MAPK10: variants seen among roughly 807,000 people sequenced by gnomAD.
MAPK10 encodes JNK3 alpha protein kinase.
Under a neutral mutation model 59.3 loss-of-function variants are expected in MAPK10, and 25 were observed. That is an observed-to-expected ratio of 0.42 (90% CI 0.31 to 0.59). The LOEUF (loss-of-function observed/expected upper bound fraction) is 0.59. MAPK10 is among the 20% of genes least tolerant of loss of function. The probability of loss-of-function intolerance (pLI) is 0.15; values close to 1 mark genes in which losing one functional copy is unlikely to be tolerated. For missense variants in MAPK10, 351 were observed against 568.9 expected, an observed-to-expected ratio of 0.62 and a Z score of 3.90; for synonymous variants, 190 against 200.5, an observed-to-expected ratio of 0.95 and a Z score of 0.44.
intron 1 of MAPK10, among the ~76,000 whole-genome samples, chr4:86,428,307 C>T (rs1010684110): frequency 6.6e-6 from 1 of 152,002 alleles, no homozygotes; most frequent in Non-Finnish European, 1.5e-5. Flanking sequence ...CCATGCCTGG[C>T]TAATTTTTGT....
chr4:86,424,101 G>A (rs1208470784), intron 1 of MAPK10, among the ~76,000 whole-genome samples: 1 of 152,008 alleles, frequency 6.6e-6, no homozygotes, highest in Non-Finnish European at 1.5e-5. Flanking sequence ...TATGTATGGT[G>A]ATGTTCTGAC....
chr4:86,337,451 A>G (rs967839416), intron 2 of MAPK10, among the ~76,000 whole-genome samples: 3 of 152,210 alleles, frequency 2.0e-5, no homozygotes, highest in Middle Eastern at 3.2e-3. Flanking sequence ...AAGAAAGTAT[A>G]TAGTAAGTCT....
chr4:86,275,110 A>C (rs1464673658), intron 2 of MAPK10, among the ~76,000 whole-genome samples: 1 of 152,116 alleles, frequency 6.6e-6, no homozygotes, highest in Non-Finnish European at 1.5e-5. Flanking sequence ...GACTTTGTGC[A>C]GTCATTAAAT....
At chr4:86,525,198 G>A (rs1246872774) in intron 1 of MAPK10, among the ~76,000 whole-genome samples, 2 of 152,148 alleles carry the variant, frequency 1.3e-5, no homozygotes, top group Non-Finnish European at 2.9e-5. Flanking sequence ...TTGGGAGGCT[G>A]AGGTGGGAGG....
At chr4:86,468,366 C>A (rs1383084194) in intron 1 of MAPK10, among the ~76,000 whole-genome samples, 1 of 152,154 alleles carries the variant, frequency 6.6e-6, no homozygotes, top group African/African-American at 2.4e-5. Flanking sequence ...CGCAATAATC[C>A]TTTCAAATAA....
intron 13 of MAPK10, among the ~76,000 whole-genome samples, chr4:86,026,093 T>C (rs1359802891): frequency 2.0e-5 from 3 of 152,196 alleles, no homozygotes; most frequent in Non-Finnish European, 2.9e-5. Context: ...AATGGTTGCA[T>C]ATTAAAATCA....
intron 1 of MAPK10, among the ~76,000 whole-genome samples, chr4:86,396,333 C>T (rs554024076): frequency 2.6e-5 from 4 of 152,184 alleles, no homozygotes; most frequent in East Asian, 3.9e-4. Flanking sequence ...GGCAAGAGTG[C>T]GAGACTCTGT....
intron 2 of MAPK10, among the ~76,000 whole-genome samples, chr4:86,268,961 G>A (rs758209813): frequency 9.9e-5 from 15 of 151,972 alleles, no homozygotes; most frequent in Non-Finnish European, 1.9e-4. Flanking sequence ...TTACATTCCT[G>A]GTGTCTAGAA....
intron 2 of MAPK10, among the ~76,000 whole-genome samples, chr4:86,241,870 G>C (rs185250097): frequency 6.6e-6 from 1 of 152,236 alleles, no homozygotes; most frequent in Non-Finnish European, 1.5e-5. Flanking sequence ...CTTCACCTTT[G>C]ATGGAGAGAT....
intron 4 of MAPK10, among the ~76,000 whole-genome samples, chr4:86,142,350 T>A (rs2063814972): frequency 6.6e-6 from 1 of 152,170 alleles, no homozygotes; most frequent in African/African-American, 2.4e-5. Flanking sequence ...AAAGAGAGAC[T>A]GCCAGAGAGA....
At chr4:86,507,341 A>T (rs1330453348) in intron 1 of MAPK10, among the ~76,000 whole-genome samples, 2 of 151,868 alleles carry the variant, frequency 1.3e-5, no homozygotes, top group Admixed American at 1.3e-4. Context: ...GGCTATATCA[A>T]GTGTCAGCAG....
At chr4:86,192,450 C>T (rs2080160267) in intron 3 of MAPK10, 1 of 152,056 alleles carries the variant, frequency 6.6e-6, no homozygotes, top group South Asian at 2.1e-4. Flanking sequence ...TCCTATATTT[C>T]TTGGAGGCTT....
chr4:86,187,570 G>A (rs368239724), intron 3 of MAPK10, among the ~76,000 whole-genome samples: 2 of 152,220 alleles, frequency 1.3e-5, no homozygotes, highest in South Asian at 4.1e-4. Flanking sequence ...GATAAGGGGG[G>A]ACTACTGTAA....
At chr4:86,580,991 C>T (rs1160805684) in intron 1 of MAPK10, among the ~76,000 whole-genome samples, 1 of 152,150 alleles carries the variant, frequency 6.6e-6, no homozygotes, top group African/African-American at 2.4e-5. Flanking sequence ...AGTGCAAAGC[C>T]TACCCTAATG....
intron 1 of MAPK10, among the ~76,000 whole-genome samples, chr4:86,413,510 C>A (rs1260160241): frequency 6.6e-6 from 1 of 152,184 alleles, no homozygotes; most frequent in Non-Finnish European, 1.5e-5. Flanking sequence ...GCCCTGCCCC[C>A]AGAGGTGGAA....
chr4:86,179,892 A>C (rs2076511744), intron 3 of MAPK10, among the ~76,000 whole-genome samples: 1 of 152,126 alleles, frequency 6.6e-6, no homozygotes, highest in South Asian at 2.1e-4. Context: ...TACTAGAAGA[A>C]GACATAGGGA....
intron 1 of MAPK10, among the ~76,000 whole-genome samples, chr4:86,490,750 A>G (rs1241241121): frequency 6.6e-6 from 1 of 152,196 alleles, no homozygotes; most frequent in Admixed American, 6.5e-5. Context: ...TGCTCAAATG[A>G]AAAGAAAGGA....
chr4:86,352,694 G>A (rs957228881), intron 2 of MAPK10, among the ~76,000 whole-genome samples: 1 of 152,112 alleles, frequency 6.6e-6, no homozygotes, highest in Non-Finnish European at 1.5e-5. Context: ...TTTGTTTTAT[G>A]TTGTTTGATT....
chr4:86,447,261 C>T (rs191859055), intron 1 of MAPK10, among the ~76,000 whole-genome samples: 4 of 152,258 alleles, frequency 2.6e-5, no homozygotes, highest in South Asian at 2.1e-4. Flanking sequence ...CTTCCCACTT[C>T]GCTTTGCTTT....
Sources: gnomAD v4.1 joint callset for allele counts (sites outside exome capture counted in the v4.1 genomes callset) on GRCh38, gnomAD v4.1.1 for gene constraint, MANE v1.5 for transcripts, NCBI Gene and HGNC (gene_info 2026-07-23, HGNC 2026-07-21) for gene names.